The following GLP1R variants were observed in gnomAD, a reference collection of about 807,000 sequenced individuals.
GLP1R encodes glucagon like peptide 1 receptor.
GLP1R carries 32 observed loss-of-function variants against 68.4 expected under a neutral mutation model. That is an observed-to-expected ratio of 0.47 (90% confidence interval 0.35 to 0.63). The LOEUF is 0.63. Ranked by LOEUF, GLP1R falls within the 20% of genes least tolerant of loss-of-function variation. The pLI, the probability that GLP1R is intolerant of heterozygous loss-of-function variation, is 0.00. For missense variants in GLP1R, 502 were observed against 594.9 expected (o/e 0.84, Z 1.62); for synonymous variants, 263 against 244.4 (o/e 1.08, Z -0.71).
At chr6:39,073,058 T>G (rs1288488497) in intron 6 of GLP1R, 43 bp downstream of exon 6, 1 of 1,574,696 alleles carries the variant, frequency 6.4e-7, no homozygotes, top group South Asian at 1.1e-5. Flanking sequence ...GATGGGCGGT[T>G]GGAGGAGGCC....
At chr6:39,063,370 G>T (rs138163782) in intron 3 of GLP1R, among the ~76,000 whole-genome samples, 6 of 152,122 alleles carry the variant, frequency 3.9e-5, no homozygotes, top group African/African-American at 1.2e-4. Flanking sequence ...GGCCCTTCGC[G>T]TTGCTAAAAT....
chr6:39,072,173 AAAT>A (rs1768687542), intron 5 of GLP1R, among the ~76,000 whole-genome samples: 1 of 152,240 alleles, frequency 6.6e-6, no homozygotes. Flanking sequence ...TACCATCTAC[AAAT>A]AATAACTATT....
chr6:39,071,270 C>T (rs1188475497), intron 5 of GLP1R, among the ~76,000 whole-genome samples: 1 of 148,076 alleles, frequency 6.8e-6, no homozygotes, highest in Admixed American at 7.0e-5. Context: ...CACTTGAACC[C>T]AGGAGGTGGA....
At chr6:39,056,285 T>A in intron 1 of GLP1R, 112 bp from the exon 2 acceptor site, 1 of 597,538 alleles carries the variant, frequency 1.7e-6, no homozygotes, top group South Asian at 2.1e-5. Flanking sequence ...CCTGGCAGAA[T>A]TTGGGGCTTT....
chr6:39,080,517 C>T (rs10305495), intron 11 of GLP1R, among the ~76,000 whole-genome samples, 181 bp from the exon 12 acceptor site: 2 of 152,212 alleles, frequency 1.3e-5, no homozygotes, highest in South Asian at 4.1e-4. Context: ...AGGTGCAACC[C>T]TGGTGTTCCT....
At chr6:39,074,419 G>A (rs933897085) in intron 7 of GLP1R, 2 of 152,022 alleles carry the variant, frequency 1.3e-5, no homozygotes, top group Non-Finnish European at 2.9e-5. Flanking sequence ...ATTGTAATGA[G>A]GGGCAGCATT....
intron 12 of GLP1R, among the ~76,000 whole-genome samples, chr6:39,083,764 G>A (rs1769074829): frequency 6.6e-6 from 1 of 152,132 alleles, no homozygotes; most frequent in Admixed American, 6.5e-5. Context: ...GCACTGCAGA[G>A]GTCGAGGGCA....
intron 1 of GLP1R, among the ~76,000 whole-genome samples, chr6:39,052,930 AC>A (rs1264711056): frequency 2.6e-5 from 4 of 152,078 alleles, no homozygotes; most frequent in Non-Finnish European, 5.9e-5. Flanking sequence ...TGTAGACCAC[AC>A]CACTCCCTCC....
intron 1 of GLP1R, among the ~76,000 whole-genome samples, chr6:39,050,606 G>A (rs1768065525): frequency 6.6e-6 from 1 of 152,170 alleles, no homozygotes; most frequent in Non-Finnish European, 1.5e-5. Context: ...GAGCTTTGAG[G>A]GGGTGCTCTT....
rs1769205577 is a variant in GLP1R at position 39,088,502 on chromosome 6, C to A, written c.*2429C>A. Among the ~76,000 whole-genome samples, 2 of 152,196 alleles carry A rather than the reference C, an allele frequency of 1.3e-5. No homozygotes were observed. The highest frequency in any genetic ancestry group is 2.9e-5 in the Non-Finnish European group (2 of 68,042). ...CTGCCTCTGTCCTGGGGTACTATTG[C>A]TGACCAGCAGGGTGTAGGCGCTGCT... On this transcript the variant is annotated 3_prime_UTR_variant, in exon 13 of 13. Transcript: ENST00000373256.
chr6:39,078,692 C>G (rs1405454588), intron 8 of GLP1R, among the ~76,000 whole-genome samples: 1 of 152,172 alleles, frequency 6.6e-6, no homozygotes, highest in East Asian at 1.9e-4. Flanking sequence ...ACACACATGA[C>G]TGTGTTGGTA....
chr6:39,061,464 C>G (rs147752142), intron 3 of GLP1R, among the ~76,000 whole-genome samples: 4 of 152,308 alleles, frequency 2.6e-5, no homozygotes, highest in African/African-American at 9.6e-5. Flanking sequence ...TAAAAATAAC[C>G]TATAACTCAC....
In GLP1R at chr6:39,056,388, T is replaced by TC. The variant is rs1768214159; in HGVS notation, c.79-3dup. The TC allele has an allele frequency of 4.0e-6, 6 of 1,508,524 alleles. No individual in the cohort carries two copies. Among genetic ancestry groups the TC allele is most frequent in the South Asian group, 1.1e-5 (1 of 88,608 alleles). The allele number at this position is 1,508,524 out of a possible 1,614,324, so 93.4% of individuals were successfully genotyped here. A position where few individuals can be genotyped will look rare whatever the true frequency, so the allele number is the denominator to read the frequency against. On this transcript the variant is annotated splice_polypyrimidine_tract_variant and intron_variant, in intron 1 of 12. Transcript: ENST00000373256. ...ACCCACAGGCCTCCCATATATGCCC[T>TC]CCCCCCAGGGTGCCACTGTGTCCCT...
chr6:39,079,337 G>T lies in GLP1R; in HGVS notation c.1043+137G>T. The T allele has an allele frequency of 1.2e-6, 1 of 828,368 alleles. No homozygotes were observed. The highest frequency in any genetic ancestry group is 2.0e-6 in the Non-Finnish European group (1 of 508,030). 51.3% of individuals were successfully genotyped at this position (828,368 alleles called of 1,614,324 possible). ...TCTCCTTCCACCCAGGCCTGGCCTT[G>T]GACCCCAAACCCTTGCTTTTGCCCT... is the stretch of plus-strand genomic sequence containing the variant. On this transcript the variant is annotated intron_variant, in intron 10 of 12. Coordinates refer to ENST00000373256, the MANE Select transcript of GLP1R (RefSeq NM_002062.5). The surrounding 1 kb of genome is among the most constrained non-coding windows in gnomAD (Gnocchi z 4.5).
intron 3 of GLP1R, among the ~76,000 whole-genome samples, chr6:39,059,471 C>G (rs1165044158): frequency 1.3e-5 from 2 of 152,106 alleles, no homozygotes; most frequent in African/African-American, 2.4e-5. Context: ...TCTGGGCACA[C>G]CTCTAGGGAC....
At chr6:39,055,476 A>C (rs895667231) in intron 1 of GLP1R, among the ~76,000 whole-genome samples, 2 of 152,276 alleles carry the variant, frequency 1.3e-5, no homozygotes, top group East Asian at 3.9e-4. Flanking sequence ...GGAATGGTGG[A>C]TTCTCAGTGG....
intron 7 of GLP1R, among the ~76,000 whole-genome samples, chr6:39,077,115 T>G (rs565716853): frequency 6.6e-6 from 1 of 152,350 alleles, no homozygotes; most frequent in Admixed American, 6.5e-5. Context: ...TCCTGTGGCC[T>G]GCAATCTCGG....
Position 39,083,794 on chromosome 6 carries a change from G to A in GLP1R, c.1225-2112G>A, listed in dbSNP as rs549546056. ...AGGGCAGGGATGAGGATAAAAATCC[G>A]ATGGTGGAGGAGGAAGTGTGGTGGC... On this transcript the variant is annotated intron_variant, in intron 12 of 12. Transcript: ENST00000373256. Among the ~76,000 whole-genome samples the A allele has an allele frequency of 1.4e-4, 22 of 152,292 alleles. No individual in the cohort carries two copies. The South Asian group carries it at 4.6e-3, about 32-fold the overall frequency.
At chr6:39,066,734 C>T (rs1768530267) in intron 5 of GLP1R, among the ~76,000 whole-genome samples, 1 of 152,254 alleles carries the variant, frequency 6.6e-6, no homozygotes, top group East Asian at 1.9e-4. Flanking sequence ...AAAGTTCCTC[C>T]TTAGATCTAA....
Sources: gnomAD v4.1 joint callset for allele counts (sites outside exome capture counted in the v4.1 genomes callset) on GRCh38, gnomAD v4.1.1 for gene constraint, Gnocchi (gnomAD v3.1) non-coding constraint, MANE v1.5 for transcripts, NCBI Gene and HGNC (gene_info 2026-07-23, HGNC 2026-07-21) for gene names.